Variants in IFT80 observed in about 807,000 individuals in gnomAD.
The protein encoded by IFT80 is intraflagellar transport 80, also known as intraflagellar transport protein 80 homolog.
In IFT80, 79 loss-of-function variants were observed where a neutral mutation model predicts 107.9. The observed-to-expected ratio is 0.73, with a 90% CI of 0.61 to 0.88. The LOEUF (loss-of-function observed/expected upper bound fraction) is 0.88. Ranked by LOEUF, IFT80 falls within the 40% of genes least tolerant of loss-of-function variation. The pLI is 0.00. For synonymous variants in IFT80, 299 were observed against 300.9 expected, an observed-to-expected ratio of 0.99 and a Z score of 0.07; for missense variants, 797 against 914.2, an observed-to-expected ratio of 0.87 and a Z score of 1.65.
At chr3:160,372,702 T>C (rs75673177) in intron 5 of IFT80, among the ~76,000 whole-genome samples, 6,587 of 152,224 alleles carry the variant, frequency 0.043, 452 homozygotes, top group African/African-American at 0.14. Context: ...ATTAACAAAC[T>C]TTGAGAACAA....
chr3:160,391,352 G>A (rs970970411), intron 1 of IFT80, among the ~76,000 whole-genome samples: 3 of 152,074 alleles, frequency 2.0e-5, no homozygotes, highest in African/African-American at 7.2e-5. Context: ...GTTATCTAAG[G>A]AACCCATTTC....
intron 9 of IFT80, among the ~76,000 whole-genome samples, chr3:160,315,460 G>A: frequency 6.6e-6 from 1 of 152,158 alleles, no homozygotes; most frequent in Non-Finnish European, 1.5e-5. Flanking sequence ...AGCCCTCTGG[G>A]GAGGTATGTG....
chr3:160,301,712 A>T (rs1307489343), intron 11 of IFT80, among the ~76,000 whole-genome samples: 2 of 151,986 alleles, frequency 1.3e-5, no homozygotes, highest in Non-Finnish European at 2.9e-5. Context: ...ATTTTTTATT[A>T]ACTCAAAACA....
intron 10 of IFT80, among the ~76,000 whole-genome samples, chr3:160,305,702 C>T (rs1306105544): frequency 6.6e-6 from 1 of 151,924 alleles, no homozygotes; most frequent in East Asian, 1.9e-4. Flanking sequence ...ATGTAGAATG[C>T]TTATATATTG....
At chr3:160,341,084 G>C (rs978610487) in intron 8 of IFT80, among the ~76,000 whole-genome samples, 110 of 151,330 alleles carry the variant, frequency 7.3e-4, no homozygotes, top group Non-Finnish European at 1.6e-4. Flanking sequence ...GCACAATCAT[G>C]GCTTACTGCA....
At chr3:160,374,645 T>C (rs759535091) in intron 5 of IFT80, among the ~76,000 whole-genome samples, 7 of 152,176 alleles carry the variant, frequency 4.6e-5, no homozygotes, top group Non-Finnish European at 1.0e-4. Flanking sequence ...CTGAAAGAAT[T>C]CTGTCAATTA....
intron 3 of IFT80, among the ~76,000 whole-genome samples, chr3:160,378,807 G>A (rs989462488): frequency 6.6e-6 from 1 of 151,856 alleles, no homozygotes; most frequent in African/African-American, 2.4e-5. Flanking sequence ...ATAAATATAT[G>A]GGCATGGGAC....
chr3:160,297,468 A>G (rs1009951504), intron 12 of IFT80, among the ~76,000 whole-genome samples: 3 of 152,150 alleles, frequency 2.0e-5, no homozygotes, highest in Non-Finnish European at 1.5e-5. Flanking sequence ...AAATGCTACA[A>G]TGTGTATAAC....
intron 6 of IFT80, among the ~76,000 whole-genome samples, chr3:160,362,442 A>G (rs1472573415): frequency 6.6e-6 from 1 of 152,228 alleles, no homozygotes; most frequent in African/African-American, 2.4e-5. Context: ...CCAGAGGTAC[A>G]AAGAGGAGCT....
intron 6 of IFT80, among the ~76,000 whole-genome samples, chr3:160,360,392 A>G (rs1402305506): frequency 6.6e-6 from 1 of 152,198 alleles, no homozygotes; most frequent in East Asian, 1.9e-4. Flanking sequence ...GGTGTACCTG[A>G]AAGTGATAGG....
intron 18 of IFT80, among the ~76,000 whole-genome samples, chr3:160,271,946 A>G (rs1201704944): frequency 1.3e-5 from 2 of 152,056 alleles, no homozygotes; most frequent in Non-Finnish European, 2.9e-5. Context: ...CTTATCAAAA[A>G]AAAAAAAACC....
At chr3:160,262,654 T>C (rs923568410) in intron 19 of IFT80, among the ~76,000 whole-genome samples, 1 of 152,192 alleles carries the variant, frequency 6.6e-6, no homozygotes, top group Non-Finnish European at 1.5e-5. Context: ...TAGATTGCTC[T>C]GGAGTCGTCC....
chr3:160,349,445 T>A (rs1290665932), intron 8 of IFT80, among the ~76,000 whole-genome samples: 1 of 150,258 alleles, frequency 6.7e-6, no homozygotes, highest in Admixed American at 6.6e-5. Context: ...CTAGACTCCC[T>A]CTCAAAAAGA....
At chr3:160,375,570 C>T (rs553224356) in intron 5 of IFT80, among the ~76,000 whole-genome samples, 24 of 151,922 alleles carry the variant, frequency 1.6e-4, no homozygotes, top group Admixed American at 3.3e-4. Context: ...TAGAGATTCA[C>T]TAACATAAAA....
chr3:160,258,496 A>G lies in IFT80; in HGVS notation c.*29T>C. The G allele has an allele frequency of 6.2e-7, 1 of 1,613,258 alleles. No homozygotes were observed. Among genetic ancestry groups the G allele is most frequent in the Non-Finnish European group, 8.5e-7 (1 of 1,179,872 alleles). On this transcript the variant is annotated 3_prime_UTR_variant, in exon 20 of 20. Coordinates refer to ENST00000326448, the MANE Select transcript of IFT80 (RefSeq NM_020800.3). Reference sequence around the variant, plus strand: ...GGTTAATCAGAACGTGTTTCAAAAGATAAAATTTCTTAAAGATACGCATGG... The same window carrying G: ...GGTTAATCAGAACGTGTTTCAAAAGGTAAAATTTCTTAAAGATACGCATGG...
chr3:160,274,357 T>C (rs1306346762), intron 18 of IFT80, among the ~76,000 whole-genome samples: 1 of 152,146 alleles, frequency 6.6e-6, no homozygotes, highest in Non-Finnish European at 1.5e-5. Context: ...GTACAAGAAA[T>C]GTTCAGAAGG....
chr3:160,332,092 T>C (rs766934741), intron 8 of IFT80, among the ~76,000 whole-genome samples: 2 of 152,202 alleles, frequency 1.3e-5, no homozygotes, highest in Non-Finnish European at 2.9e-5. Flanking sequence ...TGTAAATTAG[T>C]AGTTAGATTT....
At chr3:160,268,927 T>C (rs1713573130) in intron 18 of IFT80, among the ~76,000 whole-genome samples, 1 of 152,116 alleles carries the variant, frequency 6.6e-6, no homozygotes, top group Non-Finnish European at 1.5e-5. Flanking sequence ...GTGGTAAATA[T>C]GCATTGAAAA....
chr3:160,354,357 A>G (rs1354902184), intron 8 of IFT80, among the ~76,000 whole-genome samples: 1 of 152,106 alleles, frequency 6.6e-6, no homozygotes, highest in African/African-American at 2.4e-5. Context: ...TTTAAGAATG[A>G]GTGGAACTTG....
Sources: allele counts gnomAD v4.1 joint callset (sites outside exome capture counted in the v4.1 genomes callset), GRCh38; gene constraint gnomAD v4.1.1; transcripts MANE v1.5; gene names NCBI Gene and HGNC (gene_info 2026-07-23, HGNC 2026-07-21).